The following DDX11 variants were observed in gnomAD, a reference collection of about 807,000 sequenced individuals.
DDX11 encodes DEAD/H-box helicase 11.
DDX11 carries 72 observed loss-of-function variants against 125.2 expected under a neutral mutation model. That is an observed-to-expected ratio of 0.58 (90% CI 0.48 to 0.70). The LOEUF is 0.70. DDX11 is among the 30% of genes least tolerant of loss of function. The pLI, the probability that DDX11 is intolerant of heterozygous loss-of-function variation, is 0.00. For missense variants in DDX11, 883 were observed against 1,165.0 expected (o/e 0.76, Z 3.52); for synonymous variants, 347 against 452.6 (o/e 0.77, Z 2.96).
chr12:31,084,219 G>A (rs942328676), intron 3 of DDX11, among the ~76,000 whole-genome samples, 158 bp downstream of exon 3: 1 of 152,200 alleles, frequency 6.6e-6, no homozygotes, highest in Non-Finnish European at 1.5e-5. Context: ...TGCTGCCGCT[G>A]TGCTGTCTTT....
intron 18 of DDX11, among the ~76,000 whole-genome samples, chr12:31,099,386 G>A (rs1285756553): frequency 1.3e-5 from 2 of 151,746 alleles, no homozygotes; most frequent in African/African-American, 4.8e-5. Context: ...GCCCATATTG[G>A]TGTTTCTAAG....
At chr12:31,093,754 T>G (rs1944710289) in intron 12 of DDX11, 1 of 183,256 alleles carries the variant, frequency 5.5e-6, no homozygotes, top group South Asian at 8.1e-5. Context: ...AGAAGGGTCT[T>G]GGTCATTGAT....
At chr12:31,081,847 G>A (rs61917209) in intron 2 of DDX11, among the ~76,000 whole-genome samples, 4,664 of 85,338 alleles carry the variant, frequency 0.055, 276 homozygotes, top group East Asian at 0.19. Context: ...TTGTGCCGGA[G>A]TATACCACGG....
intron 2 of DDX11, among the ~76,000 whole-genome samples, chr12:31,081,375 G>A (rs1040021183): frequency 7.2e-5 from 11 of 152,144 alleles, no homozygotes; most frequent in Non-Finnish European, 8.8e-5. Flanking sequence ...GCCCTTCCCC[G>A]CCGTGGATGC....
chr12:31,088,964 C>T (rs915813250), intron 6 of DDX11, 80 bp from the exon 7 acceptor site: 76 of 1,147,630 alleles, frequency 6.6e-5, no homozygotes, highest in Non-Finnish European at 9.3e-5. Flanking sequence ...GCCTCTCAGG[C>T]CCTGGCGTGC....
At position 31,101,152 on chromosome 12, in the gene DDX11, G is replaced by A. The variant is rs775788492; in HGVS notation, c.2052+22G>A. On this transcript the variant is annotated intron_variant, in intron 20 of 26. Coordinates refer to ENST00000542838, the MANE Select transcript of DDX11 (RefSeq NM_030653.4). Reference sequence around the variant, plus strand: ...GATGGTCAGTCCCAGCCAGCTCGCCGCACCACAGCCTGGCCTCAGGCAGCA... The same window carrying A: ...GATGGTCAGTCCCAGCCAGCTCGCCACACCACAGCCTGGCCTCAGGCAGCA... 47 of 1,604,988 alleles carry A rather than the reference G, an allele frequency of 2.9e-5. No homozygotes were observed. In the Middle Eastern group the frequency reaches 6.6e-4, roughly 22 times the overall value.
chr12:31,089,169 T>G lies in DDX11; in HGVS notation c.792+18T>G. 1 of 1,602,070 alleles carries G rather than the reference T, an allele frequency of 6.2e-7. No individual in the cohort carries two copies. Among genetic ancestry groups the G allele is most frequent in the Non-Finnish European group, 8.6e-7 (1 of 1,169,038 alleles). On this transcript the variant is annotated intron_variant, in intron 7 of 26. Coordinates refer to ENST00000542838, the MANE Select transcript of DDX11 (RefSeq NM_030653.4). ...CCCGGCAGGTAAACAGTAGCCAGTA[T>G]TTCCACCAGGGGCCATCCTGCTCCT...
In DDX11 at chr12:31,101,997, G is replaced by A. The variant is rs574420280; in HGVS notation, c.2202+15G>A. On this transcript the variant is annotated intron_variant, in intron 21 of 26. Transcript: ENST00000542838. ...CCAGGAAGAAGGTGAGTGGCCTGTC[G>A]GCAGCCTTCCCACTTGTGAGGACAG... is the stretch of plus-strand genomic sequence containing the variant. The A allele has an allele frequency of 4.4e-6, 7 of 1,608,590 alleles. No homozygotes were observed. Among genetic ancestry groups the A allele is most frequent in the African/African-American group, 2.7e-5 (2 of 74,872 alleles).
At chr12:31,101,364 C>T in intron 20 of DDX11, 2 of 588,332 alleles carry the variant, frequency 3.4e-6, no homozygotes, top group Non-Finnish European at 6.1e-6. Context: ...ATAAAACCTC[C>T]AGGCATCCTC....
chr12:31,102,572 G>C, intron 23 of DDX11, 45 bp downstream of exon 23: 2 of 1,558,354 alleles, frequency 1.3e-6, no homozygotes, highest in Non-Finnish European at 1.8e-6. Flanking sequence ...ATACATGGCC[G>C]GCCCTCACTC....
chr12:31,101,176 C>G, intron 20 of DDX11, 46 bp downstream of exon 20: 5 of 1,572,768 alleles, frequency 3.2e-6, no homozygotes, highest in Non-Finnish European at 4.4e-6. Context: ...CCTCAGGCAG[C>G]AAAGGGTTTT....
chr12:31,090,124 T>G, intron 9 of DDX11, 30 bp downstream of exon 9: 2 of 1,548,952 alleles, frequency 1.3e-6, no homozygotes, highest in Non-Finnish European at 1.7e-6. Context: ...AGAAAGCCGC[T>G]CTTGACTCTC....
chr12:31,078,280 A>T (rs1385298441), intron 1 of DDX11, 110 bp from the exon 2 acceptor site: 14 of 1,608,276 alleles, frequency 8.7e-6, no homozygotes, highest in Non-Finnish European at 1.1e-5. Flanking sequence ...AGAAAAAAGG[A>T]GAAATTTGGT....
At chr12:31,086,046 C>T (rs1476837952) in intron 5 of DDX11, 2 of 454,444 alleles carry the variant, frequency 4.4e-6, no homozygotes, top group Admixed American at 2.3e-5. Context: ...ATGCCACCTC[C>T]AGCCGCCATC....
At position 31,091,700 on chromosome 12, in the gene DDX11, G is replaced by A. The variant is rs372111156; in HGVS notation, c.1090-19G>A. On this transcript the variant is annotated intron_variant, in intron 9 of 26. Coordinates refer to ENST00000542838, the MANE Select transcript of DDX11 (RefSeq NM_030653.4). ...AGGGGAGCCCCGCCCTGCTCAGGTG[G>A]CCTCATCTCCCCTCCCAGCTGGTGG... 3.0e-4 allele frequency: 480 copies of A among 1,594,920 alleles called. 3 individuals are homozygous for A. In the East Asian group the frequency reaches 6.6e-3, roughly 22 times the overall value.
At chr12:31,093,033 C>T (rs1944512763) in intron 11 of DDX11, 141 bp downstream of exon 11, 3 of 1,015,276 alleles carry the variant, frequency 3.0e-6, no homozygotes, top group African/African-American at 1.6e-5. Context: ...ATGTCCTAGG[C>T]ACATCATGGT....
chr12:31,092,502 G>A (rs2140817983), intron 10 of DDX11, among the ~76,000 whole-genome samples: 1 of 152,254 alleles, frequency 6.6e-6, no homozygotes. Context: ...TTGAGGCTGG[G>A]ATGTGATGGT....
chr12:31,078,054 G>T (rs1378208702), intron 1 of DDX11: 1 of 480,054 alleles, frequency 2.1e-6, no homozygotes, highest in South Asian at 1.9e-5. Context: ...TTGATCTTAG[G>T]GGTGCTGGTC....
chr12:31,099,529 C>A (rs868092173), intron 18 of DDX11, among the ~76,000 whole-genome samples: 2 of 150,600 alleles, frequency 1.3e-5, no homozygotes, highest in Non-Finnish European at 1.5e-5. Context: ...AATCATAGTA[C>A]CAATATTACT....
Sources: gnomAD v4.1 joint callset for allele counts (sites outside exome capture counted in the v4.1 genomes callset) on GRCh38, gnomAD v4.1.1 for gene constraint, MANE v1.5 for transcripts, NCBI Gene and HGNC (gene_info 2026-07-23, HGNC 2026-07-21) for gene names.